AK4: variants seen among roughly 807,000 people sequenced by gnomAD.
AK4 encodes the protein adenylate kinase 4, mitochondrial.
Under a neutral mutation model 24.6 loss-of-function variants are expected in AK4, and 13 were observed. The ratio of observed to expected loss-of-function variants is 0.53; its 90% confidence interval spans 0.34 to 0.84. AK4 has a LOEUF of 0.84. AK4 is among the 40% of genes least tolerant of loss of function. The pLI is 0.01. For missense variants in AK4, 192 were observed against 288.2 expected, an observed-to-expected ratio of 0.67 and a Z score of 2.42; for synonymous variants, 88 against 107.0, an observed-to-expected ratio of 0.82 and a Z score of 1.10.
At chr1:65,187,158 GA>G (rs1184375926) in intron 1 of AK4, among the ~76,000 whole-genome samples, 1 of 151,778 alleles carries the variant, frequency 6.6e-6, no homozygotes, top group Non-Finnish European at 1.5e-5. Flanking sequence ...AGGAGATCGA[GA>G]CCACGGTGAA....
Position 65,199,937 on chromosome 1 carries a change from G to A in AK4, c.265+9108G>A, listed in dbSNP as rs940646046. On this transcript the variant is annotated intron_variant, in intron 2 of 4. Coordinates refer to ENST00000327299, the MANE Select transcript of AK4 (RefSeq NM_013410.4). ...TCAGATTTTCCTATTAGAGATACTC[G>A]TACTTTCTAACATGATAAGTATTTG... Among the ~76,000 whole-genome samples the A allele has an allele frequency of 9.9e-5, 15 of 152,198 alleles. 3 individuals are homozygous for A. The highest frequency in any genetic ancestry group is 2.0e-4 in the Admixed American group (3 of 15,292).
chr1:65,225,068 G>A (rs1652412628), intron 4 of AK4, among the ~76,000 whole-genome samples, 198 bp downstream of exon 4: 1 of 152,188 alleles, frequency 6.6e-6, no homozygotes, highest in South Asian at 2.1e-4. Context: ...TCCTGAAACT[G>A]TTAGAACATA....
At chr1:65,154,578 A>T in intron 1 of AK4, 1 of 517,182 alleles carries the variant, frequency 1.9e-6, no homozygotes, top group East Asian at 5.3e-5. Context: ...TGATCCAGAA[A>T]TGTGGCCTCA....
chr1:65,209,860 T>C (rs1421082334), intron 2 of AK4, among the ~76,000 whole-genome samples: 1 of 152,120 alleles, frequency 6.6e-6, no homozygotes, highest in African/African-American at 2.4e-5. Context: ...CAGGCTGGAG[T>C]GCAGTGGCAT....
chr1:65,204,775 T>C (rs554232424), intron 2 of AK4, among the ~76,000 whole-genome samples: 1 of 152,350 alleles, frequency 6.6e-6, no homozygotes, highest in South Asian at 2.1e-4. Context: ...CCAGTTTTTG[T>C]TGGCTTTTGT....
In AK4 at chr1:65,214,089, T is replaced by A. The variant is rs550181283; in HGVS notation, c.266-4665T>A. On this transcript the variant is annotated intron_variant, in intron 2 of 4. Coordinates refer to ENST00000327299, the MANE Select transcript of AK4 (RefSeq NM_013410.4). ...GCAGCCCTAGCAAACTAATGTGCCC[T>A]CATTTTTGTTGTTGTTGTTGTTTGT... Among the ~76,000 whole-genome samples the A allele has an allele frequency of 4.6e-3, 707 of 152,158 alleles. 7 individuals are homozygous for A. The highest frequency in any genetic ancestry group is 0.03 in the South Asian group (144 of 4,816).
chr1:65,225,438 C>T (rs934758814), intron 4 of AK4, among the ~76,000 whole-genome samples: 5 of 152,232 alleles, frequency 3.3e-5, no homozygotes, highest in Admixed American at 6.5e-5. Context: ...TTCTAGGGCA[C>T]GCAGGCCAAT....
intron 2 of AK4, among the ~76,000 whole-genome samples, chr1:65,198,753 GT>G (rs34101207): frequency 0.39 from 57,702 of 148,134 alleles, 11,435 homozygotes; most frequent in East Asian, 0.67. Context: ...ATGCCTGACA[GT>G]TTTTTTTTTT....
chr1:65,198,020 G>T (rs1651536499), intron 2 of AK4, among the ~76,000 whole-genome samples: 1 of 152,102 alleles, frequency 6.6e-6, no homozygotes, highest in Admixed American at 6.5e-5. Flanking sequence ...GAAGAATTCT[G>T]CTTTCATAAT....
Position 65,201,996 on chromosome 1 carries a change from G to A in AK4, c.265+11167G>A, listed in dbSNP as rs549223290. 3.5e-4 allele frequency among the ~76,000 whole-genome samples: 53 copies of A among 152,256 alleles called. 1 individual carries two copies. The highest frequency in any genetic ancestry group is 1.6e-3 in the Admixed American group (25 of 15,294). ...AATTTAGAAACAGGGAGTTGAGTAAGCATCAAAGTTAATATTAAAAATGAG... is the reference window on the plus strand; with the variant it reads ...AATTTAGAAACAGGGAGTTGAGTAAACATCAAAGTTAATATTAAAAATGAG... On this transcript the variant is annotated intron_variant, in intron 2 of 4. Coordinates refer to ENST00000327299, the MANE Select transcript of AK4 (RefSeq NM_013410.4).
At chr1:65,174,028 C>T (rs1486854526) in intron 1 of AK4, among the ~76,000 whole-genome samples, 1 of 152,276 alleles carries the variant, frequency 6.6e-6, no homozygotes, top group Non-Finnish European at 1.5e-5. Context: ...CTGCCCCTCC[C>T]CTGGCTTAGG....
chr1:65,192,645 T>C (rs996456594), intron 2 of AK4, among the ~76,000 whole-genome samples: 1 of 152,162 alleles, frequency 6.6e-6, no homozygotes. Context: ...GGGTGAGACT[T>C]ATAAAGTACA....
At chr1:65,178,787 C>T (rs1650805328) in intron 1 of AK4, among the ~76,000 whole-genome samples, 1 of 152,150 alleles carries the variant, frequency 6.6e-6, no homozygotes, top group East Asian at 1.9e-4. Context: ...AGGGTAGGAA[C>T]CACAGTCGCA....
intron 2 of AK4, among the ~76,000 whole-genome samples, chr1:65,216,170 T>C (rs1225297563): frequency 6.6e-6 from 1 of 152,120 alleles, no homozygotes; most frequent in Non-Finnish European, 1.5e-5. Flanking sequence ...TCTTACTCTG[T>C]CACCCAGGCT....
intron 4 of AK4, 105 bp from the exon 5 acceptor site, chr1:65,225,958 T>C (rs1302489379): frequency 8.2e-7 from 1 of 1,216,612 alleles, no homozygotes; most frequent in Non-Finnish European, 1.2e-6. Flanking sequence ...GTGTGGTATA[T>C]GATATAGACC....
At chr1:65,173,111 G>A (rs1650595148) in intron 1 of AK4, among the ~76,000 whole-genome samples, 1 of 152,090 alleles carries the variant, frequency 6.6e-6, no homozygotes, top group African/African-American at 2.4e-5. Context: ...TGATCCACCT[G>A]ACTTGGCCTC....
intron 2 of AK4, among the ~76,000 whole-genome samples, chr1:65,212,855 C>T (rs1652013795): frequency 6.6e-6 from 1 of 152,162 alleles, no homozygotes; most frequent in African/African-American, 2.4e-5. Flanking sequence ...TAAACTGAGG[C>T]TAATAACTTC....
chr1:65,171,267 T>C (rs1054030661), intron 1 of AK4, among the ~76,000 whole-genome samples: 1 of 149,470 alleles, frequency 6.7e-6, no homozygotes, highest in Non-Finnish European at 1.5e-5. Flanking sequence ...TTTTTTTTTT[T>C]GGATATAGAC....
intron 1 of AK4, among the ~76,000 whole-genome samples, chr1:65,162,712 A>G (rs961932905): frequency 4.6e-5 from 7 of 152,026 alleles, no homozygotes; most frequent in Non-Finnish European, 8.8e-5. Flanking sequence ...AGGTTTTCCT[A>G]TATTTTACAG....
Sources: allele counts gnomAD v4.1 joint callset (sites outside exome capture counted in the v4.1 genomes callset), GRCh38; gene constraint gnomAD v4.1.1; transcripts MANE v1.5; gene names NCBI Gene and HGNC (gene_info 2026-07-23, HGNC 2026-07-21).